Variants in DCDC2C observed in about 807,000 individuals in gnomAD.
DCDC2C encodes the protein doublecortin domain-containing protein 2C.
Under a neutral mutation model 45.0 loss-of-function variants are expected in DCDC2C, and 44 were observed. The observed-to-expected ratio is 0.98, with a 90% CI of 0.77 to 1.26. DCDC2C has a LOEUF of 1.26. Among genes scored for constraint, DCDC2C ranks in the 50% most tolerant of loss-of-function variants. DCDC2C has a pLI of 0.00. For missense variants in DCDC2C, 447 were observed against 468.9 expected (o/e 0.95, Z 0.43); for synonymous variants, 187 against 178.8 (o/e 1.05, Z -0.37).
chr2:3,838,165 G>A (rs1161694322), intron 10 of DCDC2C, among the ~76,000 whole-genome samples: 3 of 152,056 alleles, frequency 2.0e-5, no homozygotes, highest in Non-Finnish European at 2.9e-5. Flanking sequence ...CTCCAGAGTT[G>A]GTAAAGGAGG....
intron 8 of DCDC2C, among the ~76,000 whole-genome samples, chr2:3,769,814 G>A (rs1449454871): frequency 6.6e-6 from 1 of 152,216 alleles, no homozygotes; most frequent in Non-Finnish European, 1.5e-5. Context: ...AATGATGACT[G>A]AATAATGGAG....
intron 10 of DCDC2C, among the ~76,000 whole-genome samples, chr2:3,788,792 C>T (rs200517446): frequency 0.18 from 18,943 of 106,122 alleles, 1,405 homozygotes; most frequent in East Asian, 0.48. Flanking sequence ...CTTTCTTCCT[C>T]CCTTCCTTCC....
intron 2 of DCDC2C, among the ~76,000 whole-genome samples, chr2:3,718,832 C>G (rs917873167): frequency 3.3e-5 from 5 of 152,170 alleles, no homozygotes; most frequent in African/African-American, 1.2e-4. Flanking sequence ...GGCACGGACC[C>G]AAAGAGTTTT....
chr2:3,780,925 G>A (rs761015215), intron 9 of DCDC2C, among the ~76,000 whole-genome samples: 2 of 152,180 alleles, frequency 1.3e-5, no homozygotes, highest in African/African-American at 2.4e-5. Flanking sequence ...TCCGGAAGAG[G>A]TATTTCCTGT....
chr2:3,801,726 G>T (rs370831612), intron 10 of DCDC2C, among the ~76,000 whole-genome samples: 2 of 152,244 alleles, frequency 1.3e-5, no homozygotes, highest in South Asian at 4.1e-4. Flanking sequence ...TGTACTGGGA[G>T]CTTACAGACT....
At chr2:3,837,610 A>G (rs1672112541) in intron 10 of DCDC2C, among the ~76,000 whole-genome samples, 5 of 103,100 alleles carry the variant, frequency 4.8e-5, no homozygotes, top group Admixed American at 9.9e-5. Flanking sequence ...TCTAAAGGGG[A>G]AGAAACTGAG....
chr2:3,757,707 A>T (rs1356532457), intron 6 of DCDC2C, among the ~76,000 whole-genome samples: 1 of 152,176 alleles, frequency 6.6e-6, no homozygotes, highest in Non-Finnish European at 1.5e-5. Context: ...CAGAGTGTCG[A>T]TAAGCATGGG....
intron 5 of DCDC2C, among the ~76,000 whole-genome samples, chr2:3,754,366 G>A (rs2148128494): frequency 6.6e-6 from 1 of 152,342 alleles, no homozygotes. Flanking sequence ...TGTGGTAGAA[G>A]GAGGATGGGC....
At chr2:3,751,496 A>G (rs991011034) in intron 4 of DCDC2C, among the ~76,000 whole-genome samples, 2 of 152,142 alleles carry the variant, frequency 1.3e-5, no homozygotes, top group African/African-American at 2.4e-5. Context: ...AGCTCTCGGG[A>G]TGGGACCCAG....
chr2:3,801,036 A>T (rs780256404), intron 10 of DCDC2C, among the ~76,000 whole-genome samples: 1 of 152,182 alleles, frequency 6.6e-6, no homozygotes, highest in Non-Finnish European at 1.5e-5. Flanking sequence ...AACTTCACTG[A>T]TCCCTGGGAG....
chr2:3,812,560 T>G (rs11898660), intron 10 of DCDC2C, among the ~76,000 whole-genome samples: 8,136 of 152,056 alleles, frequency 0.054, 741 homozygotes, highest in African/African-American at 0.19. Flanking sequence ...TTTTGGAGAG[T>G]TTTTTGTGTC....
At chr2:3,787,591 T>A (rs1369623509) in intron 10 of DCDC2C, among the ~76,000 whole-genome samples, 1 of 152,268 alleles carries the variant, frequency 6.6e-6, no homozygotes, top group Non-Finnish European at 1.5e-5. Context: ...TATTTTTAAA[T>A]GAAATTTTCT....
intron 10 of DCDC2C, among the ~76,000 whole-genome samples, chr2:3,807,388 T>C (rs1671279137): frequency 6.6e-6 from 1 of 152,176 alleles, no homozygotes; most frequent in African/African-American, 2.4e-5. Context: ...GTAAAGTCTG[T>C]AAACAGTCGA....
intron 10 of DCDC2C, among the ~76,000 whole-genome samples, chr2:3,827,591 G>T (rs761493023): frequency 1.3e-5 from 2 of 152,158 alleles, no homozygotes; most frequent in South Asian, 4.1e-4. Context: ...TCAACAATTT[G>T]TTTTGAATGT....
At chr2:3,820,178 A>G (rs1318058358) in intron 10 of DCDC2C, among the ~76,000 whole-genome samples, 1 of 152,172 alleles carries the variant, frequency 6.6e-6, no homozygotes, top group Non-Finnish European at 1.5e-5. Flanking sequence ...TTTGACGAAA[A>G]TCATCCAGGT....
At chr2:3,778,307 T>C (rs1670407819) in intron 8 of DCDC2C, among the ~76,000 whole-genome samples, 1 of 152,220 alleles carries the variant, frequency 6.6e-6, no homozygotes, top group Non-Finnish European at 1.5e-5. Context: ...GGAGAGTCTT[T>C]TCTTTGGTCA....
At chr2:3,708,499 T>A in intron 1 of DCDC2C, 50 bp from the exon 2 acceptor site, 1 of 1,419,622 alleles carries the variant, frequency 7.0e-7, no homozygotes, top group Non-Finnish European at 9.6e-7. Flanking sequence ...TGGAACTTTC[T>A]ATGTAAATAT....
At chr2:3,830,068 C>A (rs572564158) in intron 10 of DCDC2C, among the ~76,000 whole-genome samples, 1 of 152,124 alleles carries the variant, frequency 6.6e-6, no homozygotes, top group African/African-American at 2.4e-5. Context: ...GGATGTTGGC[C>A]GTGCAGAAAA....
intron 2 of DCDC2C, among the ~76,000 whole-genome samples, chr2:3,722,466 G>A (rs116400885): frequency 0.012 from 1,854 of 152,242 alleles, 34 homozygotes; most frequent in African/African-American, 0.042. Flanking sequence ...ATCCATGGTG[G>A]GTATTCAATA....
Sources: gnomAD v4.1 joint callset for allele counts (sites outside exome capture counted in the v4.1 genomes callset) on GRCh38, gnomAD v4.1.1 for gene constraint, MANE v1.5 for transcripts, NCBI Gene and HGNC (gene_info 2026-07-23, HGNC 2026-07-21) for gene names.